The following GRM4 variants were observed in gnomAD, a reference collection of about 807,000 sequenced individuals.
GRM4 encodes metabotropic glutamate receptor 4.
GRM4 carries 28 observed loss-of-function variants against 81.7 expected under a neutral mutation model. That is an observed-to-expected ratio of 0.34 (90% confidence interval 0.25 to 0.47). GRM4 has a LOEUF of 0.47. GRM4 is among the 20% of genes least tolerant of loss of function. The pLI is 1.00. For missense variants in GRM4, 948 were observed against 1,290.0 expected (o/e 0.73, Z 4.06); for synonymous variants, 488 against 528.8 (o/e 0.92, Z 1.06).
intron 2 of GRM4, among the ~76,000 whole-genome samples, chr6:34,096,920 G>A (rs1175088062): frequency 7.6e-6 from 1 of 131,346 alleles, no homozygotes; most frequent in South Asian, 2.5e-4. Context: ...ATCTGAGTGT[G>A]TGTGTGTGTG....
At chr6:34,054,873 G>C (rs941165781) in intron 6 of GRM4, 1 of 152,186 alleles carries the variant, frequency 6.6e-6, no homozygotes, top group Admixed American at 6.5e-5. Flanking sequence ...AACCGAAGGG[G>C]ATGCTCTCAA....
At chr6:34,144,896 G>A (rs1770859985) in intron 1 of GRM4, among the ~76,000 whole-genome samples, 1 of 152,066 alleles carries the variant, frequency 6.6e-6, no homozygotes, top group South Asian at 2.1e-4. Context: ...CCCGAGGGGA[G>A]ACCCTCTAGT....
chr6:34,053,436 G>A (rs191415699), intron 6 of GRM4, among the ~76,000 whole-genome samples: 4 of 151,762 alleles, frequency 2.6e-5, no homozygotes, highest in East Asian at 1.9e-4. Context: ...CCCCTCACCC[G>A]CCCCTCACCT....
rs1417776171 is a variant in GRM4 at position 34,136,312 on chromosome 6, T to C, written c.-363-2453A>G. Among the ~76,000 whole-genome samples, 2 of 152,116 alleles carry C rather than the reference T, an allele frequency of 1.3e-5. No homozygotes were observed. Among genetic ancestry groups the C allele is most frequent in the Non-Finnish European group, 2.9e-5 (2 of 68,020 alleles). ...CCTCTGTGCTGGCCCAGAGGATCTC[T>C]CAGGCCTTGCCAGTTCTAAGGTCCT... On this transcript the variant is annotated intron_variant, in intron 1 of 10. Coordinates refer to ENST00000538487, the MANE Select transcript of GRM4 (RefSeq NM_000841.4). The surrounding 1 kb of genome is among the most constrained non-coding windows in gnomAD (Gnocchi z 4.1).
intron 2 of GRM4, chr6:34,103,595 C>T: frequency 6.5e-7 from 1 of 1,534,914 alleles, no homozygotes; most frequent in Non-Finnish European, 8.7e-7. Context: ...GCAGGTTTTA[C>T]ATGCTGACTC....
chr6:34,036,574 C>A lies in GRM4; in HGVS notation c.1536G>T (p.Gly512=), dbSNP rs1199413349. The A allele has an allele frequency of 1.3e-6, 2 of 1,590,732 alleles. No homozygotes were observed. The highest frequency in any genetic ancestry group is 3.4e-5 in the Admixed American group (2 of 59,350). The change falls in exon 9 of 11, where the codon GGG becomes GGT. Residue 512 remains glycine (G), a synonymous_variant. Transcript: ENST00000538487. This position sits in a 1 kb window ranked among gnomAD's most constrained non-coding sequence, Gnocchi z 9.0. The stretch of plus-strand genomic sequence containing the variant: ...TGCAGATGGAGCGGGGCAGCTGCTG[C>A]CCGCTCCCCGGCCAGTGCATCCGCT... The part of the protein sequence containing the change: ...RIERMHWPGS[G]QQLPRSICSL...
intron 1 of GRM4, among the ~76,000 whole-genome samples, chr6:34,142,184 G>A (rs902086593): frequency 4.6e-5 from 7 of 152,186 alleles, no homozygotes; most frequent in African/African-American, 9.7e-5. Flanking sequence ...CCTTAGGCCC[G>A]CCAAGACAGC....
At position 34,133,909 on chromosome 6, in the gene GRM4, AC is replaced by A; in HGVS notation, c.-363-51del. ...AATATCAAACAGAAGCCCAAAGAAG[AC>A]ATTAGCTAGTCTCATCTCTCATCAG... is the stretch of plus-strand genomic sequence containing the variant. On this transcript the variant is annotated intron_variant, in intron 1 of 10. Coordinates refer to ENST00000538487, the MANE Select transcript of GRM4 (RefSeq NM_000841.4). The surrounding 1 kb of genome is among the most constrained non-coding windows in gnomAD (Gnocchi z 6.5). 1 of 853,012 alleles carries A rather than the reference AC, an allele frequency of 1.2e-6. No individual in the cohort carries two copies. Among genetic ancestry groups the A allele is most frequent in the Non-Finnish European group, 1.4e-6 (1 of 704,270 alleles). The allele number at this position is 853,012 out of a possible 1,614,324, so 52.8% of individuals were successfully genotyped here.
chr6:34,149,130 G>A (rs116139783), upstream of GRM4, among the ~76,000 whole-genome samples: 4,598 of 152,246 alleles, frequency 0.03, 140 homozygotes, highest in Middle Eastern at 0.085. Flanking sequence ...GTGAGGGAAA[G>A]CAACTCCCCC....
At chr6:34,044,814 TCACA>T (rs562158174) in intron 6 of GRM4, among the ~76,000 whole-genome samples, 2 of 92,580 alleles carry the variant, frequency 2.2e-5, no homozygotes. Context: ...ACATATATAG[TCACA>T]CACACATAGA....
rs1358496238 is a variant in GRM4, at chr6:34,042,733, G to A, written c.1169-1985C>T. ...CCACATGAGGCAGTGATTCCCCGGG[G>A]ACTCCAGAGGTCACTGTGTCCAGCC... is the stretch of plus-strand genomic sequence containing the variant. On this transcript the variant is annotated intron_variant, in intron 6 of 10. Coordinates refer to ENST00000538487, the MANE Select transcript of GRM4 (RefSeq NM_000841.4). The surrounding 1 kb of genome is among the most constrained non-coding windows in gnomAD (Gnocchi z 4.2). Among the ~76,000 whole-genome samples the A allele has an allele frequency of 6.6e-6, 1 of 152,176 alleles. No individual in the cohort carries two copies. The highest frequency in any genetic ancestry group is 6.5e-5 in the Admixed American group (1 of 15,280).
Position 34,023,686 on chromosome 6 carries a change from C to T in GRM4, c.2690-816G>A, listed in dbSNP as rs1015094960. Among the ~76,000 whole-genome samples, 2 of 152,218 alleles carry T rather than the reference C, an allele frequency of 1.3e-5. 1 individual carries two copies. Among genetic ancestry groups the T allele is most frequent in the African/African-American group, 4.8e-5 (2 of 41,454 alleles). On this transcript the variant is annotated intron_variant, in intron 10 of 10. Transcript: ENST00000538487. ...ACATGGGGGTATCTCCCATTCCTGT[C>T]CACAGCTGAGTGACGCCAGCAGCTC...
chr6:34,079,881 C>T (rs900770676), intron 3 of GRM4, among the ~76,000 whole-genome samples: 1 of 152,206 alleles, frequency 6.6e-6, no homozygotes, highest in Non-Finnish European at 1.5e-5. Flanking sequence ...GGCCTCCACA[C>T]TGGCCCAGGG....
chr6:34,073,548 C>G (rs1767149487), intron 3 of GRM4, among the ~76,000 whole-genome samples: 1 of 152,046 alleles, frequency 6.6e-6, no homozygotes, highest in Non-Finnish European at 1.5e-5. Flanking sequence ...CACACAGACA[C>G]AGGTAACCCT....
intron 2 of GRM4, among the ~76,000 whole-genome samples, chr6:34,113,476 G>T (rs1298430051): frequency 2.0e-5 from 3 of 152,238 alleles, no homozygotes; most frequent in African/African-American, 7.2e-5. Context: ...CAGGTAGGGA[G>T]ATATTTGTTG....
At position 34,121,336 on chromosome 6, in the gene GRM4, C is replaced by T. The variant is rs1356198275; in HGVS notation, c.519+11642G>A. 4.6e-5 allele frequency among the ~76,000 whole-genome samples: 7 copies of T among 152,202 alleles called. No homozygotes were observed. The highest frequency in any genetic ancestry group is 1.7e-4 in the African/African-American group (7 of 41,440). ...CCTCACTGGACTCCCTGACAGCTTC[C>T]AGAGCCTGAGCTGGGAAGGAGAGAG... On this transcript the variant is annotated intron_variant, in intron 2 of 10. Transcript: ENST00000538487. The surrounding 1 kb of genome is among the most constrained non-coding windows in gnomAD (Gnocchi z 4.6).
At chr6:34,138,960 C>T (rs941452272) in intron 1 of GRM4, among the ~76,000 whole-genome samples, 1 of 152,190 alleles carries the variant, frequency 6.6e-6, no homozygotes, top group African/African-American at 2.4e-5. Context: ...GGCAGGGAAA[C>T]TAAGGATTGA....
rs1256632484 is a variant in GRM4 at position 34,042,708 on chromosome 6, C to T, written c.1169-1960G>A. Among the ~76,000 whole-genome samples, 2 of 152,178 alleles carry T rather than the reference C, an allele frequency of 1.3e-5. No individual in the cohort carries two copies. The highest frequency in any genetic ancestry group is 1.5e-5 in the Non-Finnish European group (1 of 68,018). The stretch of plus-strand genomic sequence containing the variant: ...CCCATAGGCCAGGGTTAAGCTGGGT[C>T]CACATGAGGCAGTGATTCCCCGGGG... On this transcript the variant is annotated intron_variant, in intron 6 of 10. Coordinates refer to ENST00000538487, the MANE Select transcript of GRM4 (RefSeq NM_000841.4). This position sits in a 1 kb window ranked among gnomAD's most constrained non-coding sequence, Gnocchi z 4.2.
intron 2 of GRM4, among the ~76,000 whole-genome samples, chr6:34,095,640 C>T (rs1486608272): frequency 1.3e-5 from 2 of 152,184 alleles, no homozygotes; most frequent in African/African-American, 2.4e-5. Context: ...CGCTAAACCT[C>T]CTCTGGCAGC....
Sources: allele counts gnomAD v4.1 joint callset (sites outside exome capture counted in the v4.1 genomes callset), GRCh38; gene constraint gnomAD v4.1.1; non-coding constraint Gnocchi (gnomAD v3.1); transcripts MANE v1.5; gene names NCBI Gene and HGNC (gene_info 2026-07-23, HGNC 2026-07-21).